Variants in GABRB1 observed in about 807,000 individuals in gnomAD.
GABRB1 encodes gamma-aminobutyric acid receptor subunit beta-1.
Under a neutral mutation model 51.6 loss-of-function variants are expected in GABRB1, and 17 were observed. That is an observed-to-expected ratio of 0.33 (90% CI 0.23 to 0.49). GABRB1 has a LOEUF of 0.49. GABRB1 is among the 20% of genes least tolerant of loss of function. The pLI is 0.99. For missense variants in GABRB1, 410 were observed against 600.6 expected (o/e 0.68, Z 3.32); for synonymous variants, 247 against 218.9 (o/e 1.13, Z -1.14).
At chr4:47,393,128 T>G (rs28463873) in intron 5 of GABRB1, among the ~76,000 whole-genome samples, 1 of 152,240 alleles carries the variant, frequency 6.6e-6, no homozygotes, top group Non-Finnish European at 1.5e-5. Flanking sequence ...TAGCTTTCTG[T>G]GATCCTGGAA....
chr4:47,322,365 A>G (rs770291471), intron 5 of GABRB1, among the ~76,000 whole-genome samples: 11 of 152,180 alleles, frequency 7.2e-5, no homozygotes, highest in Non-Finnish European at 1.2e-4. Flanking sequence ...CAGAACTACA[A>G]TTCCTAGATA....
At chr4:47,072,773 G>A (rs574145745) in intron 3 of GABRB1, among the ~76,000 whole-genome samples, 27 of 152,168 alleles carry the variant, frequency 1.8e-4, no homozygotes, top group African/African-American at 6.3e-4. Flanking sequence ...TTTGAGTTGC[G>A]ATGGTTTTCT....
chr4:47,221,732 C>A (rs1291201423), intron 4 of GABRB1, among the ~76,000 whole-genome samples: 2 of 151,986 alleles, frequency 1.3e-5, no homozygotes, highest in Non-Finnish European at 2.9e-5. Flanking sequence ...GTGAATATCT[C>A]CATCTCTCTT....
At chr4:47,340,664 C>G (rs1725854200) in intron 5 of GABRB1, among the ~76,000 whole-genome samples, 1 of 152,052 alleles carries the variant, frequency 6.6e-6, no homozygotes, top group Admixed American at 6.6e-5. Flanking sequence ...TAATCACCTC[C>G]CAAAGGCCCA....
intron 3 of GABRB1, among the ~76,000 whole-genome samples, chr4:47,157,734 G>A (rs922591353): frequency 6.6e-6 from 1 of 151,946 alleles, no homozygotes; most frequent in Non-Finnish European, 1.5e-5. Context: ...CTTCCATAAT[G>A]TTCATTATTA....
intron 5 of GABRB1, among the ~76,000 whole-genome samples, chr4:47,366,664 G>A (rs1458394745): frequency 1.3e-5 from 2 of 151,740 alleles, no homozygotes. Flanking sequence ...CCCCCCTTTT[G>A]AAACATATTT....
chr4:47,100,717 G>T (rs1284382801), intron 3 of GABRB1, among the ~76,000 whole-genome samples: 1 of 151,936 alleles, frequency 6.6e-6, no homozygotes, highest in African/African-American at 2.4e-5. Context: ...TACAGTACAT[G>T]CAGTAAAAGC....
chr4:47,137,266 T>C (rs956905510), intron 3 of GABRB1, among the ~76,000 whole-genome samples: 2 of 151,852 alleles, frequency 1.3e-5, no homozygotes, highest in East Asian at 3.9e-4. Flanking sequence ...GAAAGAGGGA[T>C]CTGGAGGTGG....
rs959901234 is a variant in GABRB1, at chr4:47,082,472, T to C, written c.240+49988T>C. Among the ~76,000 whole-genome samples, 47 of 152,046 alleles carry C rather than the reference T, an allele frequency of 3.1e-4. 1 individual carries two copies. The highest frequency in any genetic ancestry group is 2.0e-4 in the Admixed American group (3 of 15,242). On this transcript the variant is annotated intron_variant, in intron 3 of 8. Transcript: ENST00000295454. ...TTGTACTAGATGTAAATCAGAAGTA[T>C]TGAAGTATATTTTAAAAGAGAACAA...
chr4:47,354,590 C>G (rs1726482766), intron 5 of GABRB1, among the ~76,000 whole-genome samples: 1 of 152,036 alleles, frequency 6.6e-6, no homozygotes, highest in Non-Finnish European at 1.5e-5. Flanking sequence ...GAATTTTTGT[C>G]TGTGTTTTGT....
At chr4:47,240,788 C>T (rs1721491871) in intron 4 of GABRB1, among the ~76,000 whole-genome samples, 2 of 152,202 alleles carry the variant, frequency 1.3e-5, no homozygotes, top group Admixed American at 1.3e-4. Flanking sequence ...TCTGGCCCTT[C>T]AAGGACATAG....
At chr4:47,195,227 C>T (rs1719600522) in intron 4 of GABRB1, among the ~76,000 whole-genome samples, 1 of 152,080 alleles carries the variant, frequency 6.6e-6, no homozygotes, top group African/African-American at 2.4e-5. Flanking sequence ...ATTAGCCGGG[C>T]ATTGTGGCGG....
chr4:47,400,391 G>A (rs1728334572), intron 5 of GABRB1, among the ~76,000 whole-genome samples: 1 of 152,032 alleles, frequency 6.6e-6, no homozygotes, highest in Non-Finnish European at 1.5e-5. Context: ...AGGGCTACTG[G>A]GTTCCTTATA....
intron 5 of GABRB1, among the ~76,000 whole-genome samples, chr4:47,393,205 G>A (rs557625086): frequency 9.2e-5 from 14 of 152,186 alleles, no homozygotes; most frequent in Non-Finnish European, 2.1e-4. Flanking sequence ...CCTTTGAAAG[G>A]CCAATCTGCA....
chr4:47,168,336 A>G (rs1273925628), intron 4 of GABRB1, among the ~76,000 whole-genome samples: 3 of 152,250 alleles, frequency 2.0e-5, no homozygotes, highest in Non-Finnish European at 4.4e-5. Context: ...TACTTTTTAA[A>G]AGTAGGTCCC....
intron 3 of GABRB1, among the ~76,000 whole-genome samples, chr4:47,035,999 CT>C (rs1725540219): frequency 6.6e-6 from 1 of 152,120 alleles, no homozygotes; most frequent in Admixed American, 6.6e-5. Context: ...ATGGCCACCC[CT>C]AGAAGACCTT....
chr4:47,126,434 A>G (rs1716146740), intron 3 of GABRB1, among the ~76,000 whole-genome samples: 1 of 152,166 alleles, frequency 6.6e-6, no homozygotes, highest in Non-Finnish European at 1.5e-5. Flanking sequence ...CATGCCAAAA[A>G]TATCATAATT....
intron 4 of GABRB1, among the ~76,000 whole-genome samples, chr4:47,246,395 T>TAA (rs1285649266): frequency 7.0e-5 from 7 of 99,350 alleles, no homozygotes; most frequent in South Asian, 3.8e-4. Context: ...TATATATATA[T>TAA]AAAATACCAC....
chr4:47,377,936 G>A (rs540862173), intron 5 of GABRB1, among the ~76,000 whole-genome samples: 27 of 152,286 alleles, frequency 1.8e-4, no homozygotes, highest in African/African-American at 6.0e-4. Flanking sequence ...TAGACATAAA[G>A]GTTCTCCACG....
Sources: gnomAD v4.1 joint callset for allele counts (sites outside exome capture counted in the v4.1 genomes callset) on GRCh38, gnomAD v4.1.1 for gene constraint, MANE v1.5 for transcripts, NCBI Gene and HGNC (gene_info 2026-07-23, HGNC 2026-07-21) for gene names.